GPR158: variants seen among roughly 807,000 people sequenced by gnomAD.
The protein encoded by GPR158 is G protein-coupled receptor 158.
In GPR158, 30 loss-of-function variants were observed where a neutral mutation model predicts 78.2. The ratio of observed to expected loss-of-function variants is 0.38; its 90% CI spans 0.29 to 0.52. GPR158 has a LOEUF of 0.52. GPR158 is among the 20% of genes least tolerant of loss of function. The pLI, the probability that GPR158 is intolerant of heterozygous loss-of-function variation, is 0.83. For missense variants in GPR158, 1,463 were observed against 1,523.5 expected (o/e 0.96, Z 0.66); for synonymous variants, 581 against 591.1 (o/e 0.98, Z 0.25).
chr10:25,594,635 T>C (rs1837378821), intron 9 of GPR158, among the ~76,000 whole-genome samples: 2 of 152,166 alleles, frequency 1.3e-5, no homozygotes, highest in African/African-American at 4.8e-5. Flanking sequence ...TCCAAATATA[T>C]TGATGTCTAG....
At chr10:25,458,472 C>G (rs1209969061) in intron 4 of GPR158, among the ~76,000 whole-genome samples, 36 of 152,164 alleles carry the variant, frequency 2.4e-4, no homozygotes, top group Admixed American at 2.4e-3. Flanking sequence ...ATTTGGGAAC[C>G]AGCAGCTATG....
chr10:25,594,351 C>A lies in GPR158; in HGVS notation c.1952C>A (p.Thr651Asn). ...DWMLMLYFAHTHLTVTVTIGL... is the reference protein window; with the variant it reads ...DWMLMLYFAHNHLTVTVTIGL... ...ATGTTGATGCTGTATTTTGCACATA[C>A]TCATTTGACTGTGACAGTCACCATT... Residue 651 changes from threonine to asparagine, a missense_variant, in exon 9 of 11, where the codon ACT becomes AAT. Thr to Asn is a moderately conservative substitution (Grantham distance 65, BLOSUM62 0). Coordinates refer to ENST00000376351, the MANE Select transcript of GPR158 (RefSeq NM_020752.3). The A allele has an allele frequency of 6.3e-7, 1 of 1,592,732 alleles. No homozygotes were observed. Among genetic ancestry groups the A allele is most frequent in the Non-Finnish European group, 8.6e-7 (1 of 1,161,950 alleles).
In GPR158 at chr10:25,289,418, G is replaced by GA. The variant is rs1223944320; in HGVS notation, c.1008+68263dup. On this transcript the variant is annotated intron_variant, in intron 2 of 10. Coordinates refer to ENST00000376351, the MANE Select transcript of GPR158 (RefSeq NM_020752.3). ...TGAGGAAAAAGCCTTCCAGGCAAAG[G>GA]AAGAGCATTTAAATTTTTATTTTTA... Among the ~76,000 whole-genome samples, 10 of 152,206 alleles carry GA rather than the reference G, an allele frequency of 6.6e-5. No individual in the cohort carries two copies. In the East Asian group the frequency reaches 1.9e-3, roughly 29 times the overall value.
At chr10:25,332,800 T>C (rs1308424328) in intron 2 of GPR158, among the ~76,000 whole-genome samples, 2 of 152,206 alleles carry the variant, frequency 1.3e-5, no homozygotes, top group Non-Finnish European at 1.5e-5. Flanking sequence ...AATTCGACAC[T>C]AATCTTAGAA....
At chr10:25,335,781 T>G (rs1855190509) in intron 2 of GPR158, among the ~76,000 whole-genome samples, 1 of 152,084 alleles carries the variant, frequency 6.6e-6, no homozygotes, top group Non-Finnish European at 1.5e-5. Context: ...AACAAATCCT[T>G]GATATGCACC....
intron 4 of GPR158, among the ~76,000 whole-genome samples, chr10:25,462,383 A>G (rs1257662555): frequency 6.6e-6 from 1 of 152,240 alleles, no homozygotes; most frequent in Non-Finnish European, 1.5e-5. Context: ...TGATGGAGAT[A>G]TGCAAGGAGA....
chr10:25,515,180 G>C (rs1416301086), intron 5 of GPR158, among the ~76,000 whole-genome samples: 1 of 151,638 alleles, frequency 6.6e-6, no homozygotes, highest in Non-Finnish European at 1.5e-5. Flanking sequence ...CAAACTTCTT[G>C]GAGGCTTTGT....
chr10:25,371,574 T>C (rs1833994205), intron 2 of GPR158, among the ~76,000 whole-genome samples: 1 of 147,108 alleles, frequency 6.8e-6, no homozygotes, highest in Non-Finnish European at 1.5e-5. Context: ...TATCTGATCT[T>C]TGACAAACCT....
chr10:25,272,770 C>T (rs926446959), intron 2 of GPR158, among the ~76,000 whole-genome samples: 10 of 152,136 alleles, frequency 6.6e-5, no homozygotes, highest in Non-Finnish European at 1.2e-4. Flanking sequence ...GGAGGAAAAA[C>T]GTTGGCTGCT....
chr10:25,259,303 T>G (rs1435577331), intron 2 of GPR158, among the ~76,000 whole-genome samples: 1 of 152,222 alleles, frequency 6.6e-6, no homozygotes, highest in Non-Finnish European at 1.5e-5. Flanking sequence ...TCTCTCTAGA[T>G]TTAGCCTGTG....
intron 2 of GPR158, among the ~76,000 whole-genome samples, chr10:25,286,596 GTGT>G (rs1472781885): frequency 5.9e-5 from 9 of 151,298 alleles, no homozygotes; most frequent in East Asian, 2.0e-4. Context: ...TGTCTTGACA[GTGT>G]TGTTGTTTTT....
intron 2 of GPR158, among the ~76,000 whole-genome samples, chr10:25,227,059 T>C (rs1853383170): frequency 6.6e-6 from 1 of 152,228 alleles, no homozygotes; most frequent in South Asian, 2.1e-4. Flanking sequence ...ACAGTCTTTC[T>C]TTTTAAAATT....
At position 25,412,428 on chromosome 10, in the gene GPR158, C is replaced by T. The variant is rs755205413; in HGVS notation, c.1290C>T (p.Leu430=). 4.8e-5 allele frequency: 78 copies of T among 1,613,878 alleles called. No individual in the cohort carries two copies. Among genetic ancestry groups the T allele is most frequent in the African/African-American group, 9.3e-5 (7 of 74,932 alleles). The change falls in exon 4 of 11, where the codon CTC becomes CTT. Residue 430 remains leucine, a synonymous_variant. Transcript: ENST00000376351. ...IISFQALCML[L]DFVSMLVVYH... ...CCTTCCAAGCCCTGTGTATGCTGCT[C>T]GACTTCGTTAGCATGCTGGTGGTCT...
intron 4 of GPR158, among the ~76,000 whole-genome samples, chr10:25,439,172 G>C (rs1424140412): frequency 6.6e-6 from 1 of 152,174 alleles, no homozygotes; most frequent in East Asian, 1.9e-4. Flanking sequence ...AAAAGAAAGA[G>C]ATTTAATAGA....
chr10:25,556,127 T>A (rs1836783516), intron 6 of GPR158, among the ~76,000 whole-genome samples: 1 of 152,210 alleles, frequency 6.6e-6, no homozygotes, highest in Non-Finnish European at 1.5e-5. Context: ...AGTGCAGTTA[T>A]TCGACTTGGT....
intron 2 of GPR158, among the ~76,000 whole-genome samples, chr10:25,370,598 A>G (rs966844062): frequency 5.0e-4 from 73 of 147,148 alleles, no homozygotes; most frequent in African/African-American, 1.7e-3. Flanking sequence ...GTATGTGGTC[A>G]ATTTTGGAAT....
chr10:25,547,449 A>G lies in GPR158; in HGVS notation c.1405-3527A>G, dbSNP rs957033372. 7.9e-5 allele frequency among the ~76,000 whole-genome samples: 12 copies of G among 152,174 alleles called. No individual in the cohort carries two copies. In the East Asian group the frequency reaches 2.1e-3, roughly 27 times the overall value. On this transcript the variant is annotated intron_variant, in intron 5 of 10. Coordinates refer to ENST00000376351, the MANE Select transcript of GPR158 (RefSeq NM_020752.3). ...CTCCACACTCCGGAACTTTCCCACAATATGCTTTTGTCCTGGGCTCCCTCC... is the reference window on the plus strand; with the variant it reads ...CTCCACACTCCGGAACTTTCCCACAGTATGCTTTTGTCCTGGGCTCCCTCC...
intron 3 of GPR158, among the ~76,000 whole-genome samples, chr10:25,408,768 C>G (rs1834548983): frequency 6.6e-6 from 1 of 152,094 alleles, no homozygotes; most frequent in Admixed American, 6.5e-5. Context: ...TGCTCTTGGC[C>G]TTATCTCTTT....
At chr10:25,264,834 G>C (rs1346479971) in intron 2 of GPR158, among the ~76,000 whole-genome samples, 1 of 152,136 alleles carries the variant, frequency 6.6e-6, no homozygotes, top group Admixed American at 6.5e-5. Context: ...CCAGTTTCCA[G>C]TGCTATATGT....
Sources: gnomAD v4.1 joint callset for allele counts (sites outside exome capture counted in the v4.1 genomes callset) on GRCh38, gnomAD v4.1.1 for gene constraint, MANE v1.5 for transcripts, NCBI Gene and HGNC (gene_info 2026-07-23, HGNC 2026-07-21) for gene names.